The following FSTL4 variants were observed in gnomAD, a reference collection of about 807,000 sequenced individuals.
The protein encoded by FSTL4 is follistatin like 4.
FSTL4 carries 28 observed loss-of-function variants against 78.2 expected under a neutral mutation model. That is an observed-to-expected ratio of 0.36 (90% confidence interval 0.27 to 0.49). The LOEUF (loss-of-function observed/expected upper bound fraction) is 0.49, where lower values mean the gene tolerates loss of function less well. FSTL4 is among the 20% of genes least tolerant of loss of function. The pLI is 0.98. For missense variants in FSTL4, 922 were observed against 1,084.9 expected (o/e 0.85, Z 2.11); for synonymous variants, 422 against 440.5 (o/e 0.96, Z 0.53).
At chr5:133,638,766 C>T in the FSTL4 span, among the ~76,000 whole-genome samples, 5 of 151,702 alleles carry the variant, frequency 3.3e-5, no homozygotes, top group East Asian at 3.9e-4. Flanking sequence ...ATAAGCTCCA[C>T]GAGGGCTGGA....
the FSTL4 span, among the ~76,000 whole-genome samples, chr5:133,675,699 G>A: frequency 1.3e-5 from 2 of 152,266 alleles, no homozygotes; most frequent in African/African-American, 4.8e-5. Flanking sequence ...AACCCTTCCT[G>A]GCTAGCTTGT....
At chr5:133,540,324 A>G (rs962138544) in intron 3 of FSTL4, among the ~76,000 whole-genome samples, 9 of 152,024 alleles carry the variant, frequency 5.9e-5, no homozygotes, top group Admixed American at 5.2e-4. Context: ...ACCCTAATAC[A>G]TACTTTTTCC....
chr5:133,655,619 A>G, the FSTL4 span, among the ~76,000 whole-genome samples: 2 of 152,224 alleles, frequency 1.3e-5, no homozygotes. Context: ...ACTTGTGTTC[A>G]TGGACCCAGA....
At chr5:133,677,743 AC>A in the FSTL4 span, among the ~76,000 whole-genome samples, 1 of 152,226 alleles carries the variant, frequency 6.6e-6, no homozygotes, top group East Asian at 1.9e-4. Context: ...AAGTTGCTTA[AC>A]ATTTCTGAGT....
the FSTL4 span, among the ~76,000 whole-genome samples, chr5:133,767,078 C>T: frequency 3.0e-4 from 46 of 152,284 alleles, 1 homozygote; most frequent in East Asian, 8.5e-3. Flanking sequence ...GAAGCAGATC[C>T]TGAAATGAAG....
chr5:133,688,291 T>C, the FSTL4 span, among the ~76,000 whole-genome samples: 1 of 152,162 alleles, frequency 6.6e-6, no homozygotes, highest in South Asian at 2.1e-4. Context: ...AGTATGCCTG[T>C]AGTCCCAGCT....
rs1252883684 is a variant in FSTL4 at position 133,197,897 on chromosome 5, T to G, written c.*1198A>C. 1 of 152,366 alleles carries G rather than the reference T, an allele frequency of 6.6e-6. No individual in the cohort carries two copies. The highest frequency in any genetic ancestry group is 1.9e-4 in the East Asian group (1 of 5,192). 9.4% of individuals were successfully genotyped at this position (152,366 alleles called of 1,614,324 possible). ...GAGACACATAAGGAGAATGCAGTAG[T>G]GCCAGCCTGTGGCCTTCTGTTCTGG... On this transcript the variant is annotated 3_prime_UTR_variant, in exon 16 of 16. Transcript: ENST00000265342.
chr5:133,444,208 C>T (rs934814327), intron 3 of FSTL4, among the ~76,000 whole-genome samples: 2 of 152,194 alleles, frequency 1.3e-5, no homozygotes, highest in East Asian at 1.9e-4. Context: ...AAAAACATAA[C>T]GACAGACAGA....
At chr5:133,539,766 C>T (rs947732792) in intron 3 of FSTL4, among the ~76,000 whole-genome samples, 2 of 152,176 alleles carry the variant, frequency 1.3e-5, no homozygotes, top group East Asian at 1.9e-4. Flanking sequence ...CATTCAGGGA[C>T]CTCTTCATTT....
chr5:133,791,285 C>G, the FSTL4 span, among the ~76,000 whole-genome samples: 1 of 150,658 alleles, frequency 6.6e-6, no homozygotes, highest in Non-Finnish European at 1.5e-5. Context: ...CGTGCACACA[C>G]ACACACACAC....
At chr5:133,701,509 A>ACCCCCCCCCC in the FSTL4 span, among the ~76,000 whole-genome samples, 1 of 132,694 alleles carries the variant, frequency 7.5e-6, no homozygotes, top group Non-Finnish European at 1.6e-5. Flanking sequence ...ACACACACAC[A>ACCCCCCCCCC]CCCCACAGGC....
chr5:133,479,766 C>T (rs1164828927), intron 3 of FSTL4, among the ~76,000 whole-genome samples: 1 of 152,140 alleles, frequency 6.6e-6, no homozygotes, highest in East Asian at 1.9e-4. Flanking sequence ...TAGTGACAAA[C>T]TAATTTTAGA....
the FSTL4 span, among the ~76,000 whole-genome samples, chr5:133,665,107 A>G: frequency 6.6e-6 from 1 of 152,220 alleles, no homozygotes; most frequent in South Asian, 2.1e-4. Context: ...TCTCTGAAGC[A>G]TATGCCTTCT....
At chr5:133,745,494 G>A in the FSTL4 span, among the ~76,000 whole-genome samples, 1 of 152,208 alleles carries the variant, frequency 6.6e-6, no homozygotes, top group Non-Finnish European at 1.5e-5. Flanking sequence ...ATAGATTAAT[G>A]TTCTTTTAGC....
At position 133,199,615 on chromosome 5, in the gene FSTL4, C is replaced by T. The variant is rs199510505; in HGVS notation, c.2009G>A (p.Arg670Gln). The T allele has an allele frequency of 4.5e-5, 73 of 1,614,150 alleles. No homozygotes were observed. The East Asian group carries it at 4.9e-4, about 11-fold the overall frequency. Residue 670 changes from arginine (R) to glutamine (Q), a missense_variant, in exon 16 of 16, where the codon CGA becomes CAA. Physicochemically the swap from Arg to Gln is conservative, Grantham distance 43. Coordinates refer to ENST00000265342, the MANE Select transcript of FSTL4 (RefSeq NM_015082.2). This position sits in a 1 kb window ranked among gnomAD's most constrained non-coding sequence, Gnocchi z 4.4. ...CRQDSPASAA[R>Q]QLLVDSVTDS... ...TGTGACACTGTCAACGAGCAGCTGTCGGGCAGCAGAGGCGGGGCTGTCCTG... is the reference window on the plus strand; with the variant it reads ...TGTGACACTGTCAACGAGCAGCTGTTGGGCAGCAGAGGCGGGGCTGTCCTG...
At chr5:133,241,850 C>T (rs1581561775) in intron 7 of FSTL4, among the ~76,000 whole-genome samples, 1 of 152,200 alleles carries the variant, frequency 6.6e-6, no homozygotes, top group Admixed American at 6.5e-5. Context: ...CTGACTCTAA[C>T]TTGGACCACA....
the FSTL4 span, among the ~76,000 whole-genome samples, chr5:133,736,723 C>T: frequency 6.6e-6 from 1 of 152,090 alleles, no homozygotes; most frequent in African/African-American, 2.4e-5. Context: ...GTGCCTGGGT[C>T]CCTGCTGAGC....
In FSTL4 at chr5:133,199,326, C is replaced by G. The variant is rs112958932; in HGVS notation, c.2298G>C (p.Leu766=). ...HTEPDLLFLE[L]STGKVGMLKN... The stretch of plus-strand genomic sequence containing the variant: ...TCAGCATGCCCACCTTCCCCGTGGA[C>G]AGCTCCAGGAACAGCAGGTCCGGCT... The change falls in exon 16 of 16, where the codon CTG becomes CTC. Residue 766 remains leucine (L), a synonymous_variant. Coordinates refer to ENST00000265342, the MANE Select transcript of FSTL4 (RefSeq NM_015082.2). This position sits in a 1 kb window ranked among gnomAD's most constrained non-coding sequence, Gnocchi z 4.4. 4.2e-5 allele frequency: 68 copies of G among 1,614,158 alleles called. 3 individuals are homozygous for G. Among genetic ancestry groups the G allele is most frequent in the African/African-American group, 3.9e-4 (29 of 75,044 alleles).
intron 4 of FSTL4, among the ~76,000 whole-genome samples, chr5:133,354,423 C>T (rs1754898520): frequency 2.0e-5 from 3 of 152,210 alleles, no homozygotes; most frequent in Non-Finnish European, 4.4e-5. Flanking sequence ...GGAAGCTCCT[C>T]CAGCTCAGCC....
Sources: allele counts gnomAD v4.1 joint callset (sites outside exome capture counted in the v4.1 genomes callset), GRCh38; gene constraint gnomAD v4.1.1; non-coding constraint Gnocchi (gnomAD v3.1); transcripts MANE v1.5; gene names NCBI Gene and HGNC (gene_info 2026-07-23, HGNC 2026-07-21).